CLDN12: variants seen among roughly 807,000 people sequenced by gnomAD.
The protein encoded by CLDN12 is claudin 12.
CLDN12 carries 9 observed loss-of-function variants against 15.5 expected under a neutral mutation model. The ratio of observed to expected loss-of-function variants is 0.58; its 90% confidence interval spans 0.35 to 1.02. The LOEUF (loss-of-function observed/expected upper bound fraction) is 1.02, where lower values mean the gene tolerates loss of function less well. Among genes scored for constraint, CLDN12 ranks in the 50% least tolerant of loss-of-function variants. The pLI is 0.02. For missense variants in CLDN12, 233 were observed against 297.3 expected, an observed-to-expected ratio of 0.78 and a Z score of 1.59; for synonymous variants, 140 against 121.6, an observed-to-expected ratio of 1.15 and a Z score of -1.00.
At position 90,413,979 on chromosome 7, in the gene CLDN12, T is replaced by C. The variant is rs1245839054; in HGVS notation, c.*568T>C. ...CTTTCTTCTACCTCATGCCACTGTT[T>C]AAAAGTAAAACGTATTTTAACGATG... On this transcript the variant is annotated 3_prime_UTR_variant, in exon 4 of 4. Coordinates refer to ENST00000496677, the MANE Select transcript of CLDN12 (RefSeq NM_001185072.3). 2 of 982,330 alleles carry C rather than the reference T, an allele frequency of 2.0e-6. No individual in the cohort carries two copies. Among genetic ancestry groups the C allele is most frequent in the Non-Finnish European group, 2.5e-6 (2 of 814,518 alleles). The allele number at this position is 982,330 out of a possible 1,614,324, so 60.9% of individuals were successfully genotyped here. A position where few individuals can be genotyped will look rare whatever the true frequency, so the allele number is the denominator to read the frequency against.
intron 2 of CLDN12, 52 bp from the exon 3 acceptor site, chr7:90,411,955 A>G (rs1796972451): frequency 6.6e-6 from 1 of 152,196 alleles, no homozygotes; most frequent in Non-Finnish European, 1.5e-5. Flanking sequence ...ATCTCATTGA[A>G]CCCATAGAAC....
rs1797062749 is a variant in CLDN12 at position 90,415,916 on chromosome 7, T to C, written c.*2505T>C. ...ATGTAAAACCTCAATAAAAGTGCGC[T>C]GTACTTCTTAATGTTTATTAAAAGA... On this transcript the variant is annotated 3_prime_UTR_variant, in exon 4 of 4. Transcript: ENST00000496677. The C allele has an allele frequency of 6.0e-6, 1 of 166,728 alleles. No individual in the cohort carries two copies. Among genetic ancestry groups the C allele is most frequent in the African/African-American group, 2.4e-5 (1 of 41,474 alleles). 10.3% of individuals were successfully genotyped at this position (166,728 alleles called of 1,614,324 possible).
chr7:90,411,986 G>A (rs550071913), intron 2 of CLDN12, 21 bp from the exon 3 acceptor site: 3 of 152,362 alleles, frequency 2.0e-5, no homozygotes, highest in East Asian at 3.9e-4. Context: ...GGTTGGCACT[G>A]TTATTTTTTC....
At position 90,409,810 on chromosome 7, in the gene CLDN12, C is replaced by T. The variant is rs552056593; in HGVS notation, c.-76-2197C>T. Among the ~76,000 whole-genome samples, 74 of 152,256 alleles carry T rather than the reference C, an allele frequency of 4.9e-4. 1 individual carries two copies. The South Asian group carries it at 0.014, about 29-fold the overall frequency. On this transcript the variant is annotated intron_variant, in intron 2 of 3. Coordinates refer to ENST00000496677, the MANE Select transcript of CLDN12 (RefSeq NM_001185072.3). ...ACACTTTGAGTTTACATAAGACAGCCGTTTCTTTCCACAAGTCTCTATAAA... is the reference window on the plus strand; with the variant it reads ...ACACTTTGAGTTTACATAAGACAGCTGTTTCTTTCCACAAGTCTCTATAAA...
At chr7:90,404,996 G>A (rs2115860959) in intron 1 of CLDN12, among the ~76,000 whole-genome samples, 1 of 151,844 alleles carries the variant, frequency 6.6e-6, no homozygotes, top group Admixed American at 6.6e-5. Context: ...GGGCTCAAGT[G>A]ATCCTTCCAT....
At position 90,412,907 on chromosome 7, in the gene CLDN12, A is replaced by G. The variant is rs200281270; in HGVS notation, c.231A>G (p.Ser77=). ...CLMYDTTWYS[S]VDQLDLRVLQ... ...TGTACGACACTACTTGGTACTCATC[A>G]GTTGACCAGCTGGACCTGCGTGTCC... is the stretch of plus-strand genomic sequence containing the variant. Residue 77 remains serine, a synonymous_variant, in exon 4 of 4, where the codon TCA becomes TCG. Coordinates refer to ENST00000496677, the MANE Select transcript of CLDN12 (RefSeq NM_001185072.3). The G allele has an allele frequency of 6.3e-5, 101 of 1,614,096 alleles. No individual in the cohort carries two copies. The highest frequency in any genetic ancestry group is 1.7e-4 in the Admixed American group (10 of 60,004).
rs1296423810 is a variant in CLDN12 at position 90,414,576 on chromosome 7, C to T, written c.*1165C>T. On this transcript the variant is annotated 3_prime_UTR_variant, in exon 4 of 4. Coordinates refer to ENST00000496677, the MANE Select transcript of CLDN12 (RefSeq NM_001185072.3). Reference sequence around the variant, plus strand: ...CTTCGTTGGCAGTTGGCCTTAACTTCTTAATCATTGATCCAGGAATATTTC... The same window carrying T: ...CTTCGTTGGCAGTTGGCCTTAACTTTTTAATCATTGATCCAGGAATATTTC... The T allele has an allele frequency of 5.2e-6, 1 of 191,824 alleles. No homozygotes were observed. The highest frequency in any genetic ancestry group is 2.4e-5 in the African/African-American group (1 of 41,902). The allele number at this position is 191,824 out of a possible 1,614,324, so 11.9% of individuals were successfully genotyped here.
Position 90,405,536 on chromosome 7 carries a change from T to G in CLDN12, c.-149T>G, listed in dbSNP as rs1796818109. On this transcript the variant is annotated 5_prime_UTR_variant, in exon 2 of 4. Coordinates refer to ENST00000496677, the MANE Select transcript of CLDN12 (RefSeq NM_001185072.3). ...TTCTTTAGGCTCAGATTATTGCTACTCTGTATTCAGATCTTCATGTGTCTC... is the reference window on the plus strand; with the variant it reads ...TTCTTTAGGCTCAGATTATTGCTACGCTGTATTCAGATCTTCATGTGTCTC... 6.6e-6 allele frequency: 1 copy of G among 152,256 alleles called. No homozygotes were observed. The highest frequency in any genetic ancestry group is 1.5e-5 in the Non-Finnish European group (1 of 68,050). The allele number at this position is 152,256 out of a possible 1,614,324, so 9.4% of individuals were successfully genotyped here.
chr7:90,404,063 G>A (rs1562967049), intron 1 of CLDN12, among the ~76,000 whole-genome samples: 1 of 151,758 alleles, frequency 6.6e-6, no homozygotes. Context: ...GGGGGATGCG[G>A]ATTGCTCTGG....
chr7:90,403,521 G>T lies in CLDN12; in HGVS notation c.-195G>T, dbSNP rs1195806368. On this transcript the variant is annotated 5_prime_UTR_variant, in exon 1 of 4. Transcript: ENST00000496677. Reference sequence around the variant, plus strand: ...CTCCAAGAGGCTCCTCAGTGTGGGCGAGTAAAATGCCCTGCGTGTGAGAAG... The same window carrying T: ...CTCCAAGAGGCTCCTCAGTGTGGGCTAGTAAAATGCCCTGCGTGTGAGAAG... 1 of 152,196 alleles carries T rather than the reference G, an allele frequency of 6.6e-6. No homozygotes were observed. The highest frequency in any genetic ancestry group is 1.5e-5 in the Non-Finnish European group (1 of 68,034). 9.4% of individuals were successfully genotyped at this position (152,196 alleles called of 1,614,324 possible). A position where few individuals can be genotyped will look rare whatever the true frequency, so the allele number is the denominator to read the frequency against.
chr7:90,410,226 G>A (rs780614684), intron 2 of CLDN12, among the ~76,000 whole-genome samples: 3 of 151,766 alleles, frequency 2.0e-5, no homozygotes, highest in Non-Finnish European at 4.4e-5. Flanking sequence ...GTACTGAGGT[G>A]TTTGGTTGCC....
In CLDN12 at chr7:90,413,419, A is replaced by G. The variant is rs374720515; in HGVS notation, c.*8A>G. ...GTTTCACACACCACTTAATGGGGAAATAGTTAATTGTTAAAGAAAACTTCT... is the reference window on the plus strand; with the variant it reads ...GTTTCACACACCACTTAATGGGGAAGTAGTTAATTGTTAAAGAAAACTTCT... On this transcript the variant is annotated 3_prime_UTR_variant, in exon 4 of 4. Transcript: ENST00000496677. The G allele has an allele frequency of 5.3e-5, 85 of 1,608,226 alleles. 2 individuals carry two copies. The South Asian group carries it at 9.2e-4, about 17-fold the overall frequency.
chr7:90,410,293 C>T (rs909089289), intron 2 of CLDN12, among the ~76,000 whole-genome samples: 1 of 152,084 alleles, frequency 6.6e-6, no homozygotes, highest in African/African-American at 2.4e-5. Context: ...TGTAATTAGT[C>T]TCTCCCTTTC....
Position 90,413,240 on chromosome 7 carries a change from T to C in CLDN12, c.564T>C (p.Thr188=). 6.2e-7 allele frequency: 1 copy of C among 1,614,192 alleles called. No homozygotes were observed. Among genetic ancestry groups the C allele is most frequent in the Admixed American group, 1.7e-5 (1 of 60,028 alleles). The part of the protein sequence containing the change: ...TIASAGGLFM[T]SLILFIWYCT... ...CTAGTGCTGGGGGCCTGTTTATGAC[T>C]TCCCTTATACTATTTATTTGGTATT... is the stretch of plus-strand genomic sequence containing the variant. Residue 188 remains threonine (T), a synonymous_variant, in exon 4 of 4, where the codon ACT becomes ACC. Coordinates refer to ENST00000496677, the MANE Select transcript of CLDN12 (RefSeq NM_001185072.3).
intron 3 of CLDN12, chr7:90,412,426 C>A (rs1454143866): frequency 2.3e-6 from 1 of 437,976 alleles, no homozygotes; most frequent in East Asian, 3.4e-5. Context: ...GCTCTATGAC[C>A]CAGTCAGTAA....
At chr7:90,409,096 T>C (rs944959564) in intron 2 of CLDN12, 2 of 152,220 alleles carry the variant, frequency 1.3e-5, no homozygotes, top group South Asian at 4.1e-4. Context: ...TACATCCTGA[T>C]CTTGTTTCTC....
rs762986952 is a variant in CLDN12 at position 90,413,125 on chromosome 7, C to T, written c.449C>T (p.Pro150Leu). 6.2e-7 allele frequency: 1 copy of T among 1,614,212 alleles called. No homozygotes were observed. Among genetic ancestry groups the T allele is most frequent in the South Asian group, 1.1e-5 (1 of 91,082 alleles). The change falls in exon 4 of 4, where the codon CCA becomes CTA. Residue 150 changes from proline to leucine, a missense_variant. Pro to Leu is a moderately conservative substitution (Grantham distance 98). Coordinates refer to ENST00000496677, the MANE Select transcript of CLDN12 (RefSeq NM_001185072.3). Reference sequence around the variant, plus strand: ...CTGGCAGGTACTGTGAGCCTCTCCCCATCTATCTGGGTCATCTTTTATAAC... The same window carrying T: ...CTGGCAGGTACTGTGAGCCTCTCCCTATCTATCTGGGTCATCTTTTATAAC... ...FFLAGTVSLS[P>L]SIWVIFYNIH...
In CLDN12 at chr7:90,405,613, G is replaced by A. The variant is rs1052929005; in HGVS notation, c.-77+5G>A. ...AACTGTCAGGTACCTCAAAGCGTAAGTACGTCCTTTAATTATATCTTATTT... is the reference window on the plus strand; with the variant it reads ...AACTGTCAGGTACCTCAAAGCGTAAATACGTCCTTTAATTATATCTTATTT... On this transcript the variant is annotated splice_donor_5th_base_variant and intron_variant, in intron 2 of 3. Transcript: ENST00000496677. 1 of 152,140 alleles carries A rather than the reference G, an allele frequency of 6.6e-6. No individual in the cohort carries two copies. The highest frequency in any genetic ancestry group is 6.6e-5 in the Admixed American group (1 of 15,260). The allele number at this position is 152,140 out of a possible 1,614,324, so 9.4% of individuals were successfully genotyped here. A position where few individuals can be genotyped will look rare whatever the true frequency, so the allele number is the denominator to read the frequency against.
chr7:90,409,979 A>G (rs1312893963), intron 2 of CLDN12, among the ~76,000 whole-genome samples: 2 of 152,200 alleles, frequency 1.3e-5, no homozygotes, highest in Non-Finnish European at 2.9e-5. Context: ...ACTTCCTTGT[A>G]CAGTTCTTCA....
Sources: gnomAD v4.1 joint callset for allele counts (sites outside exome capture counted in the v4.1 genomes callset) on GRCh38, gnomAD v4.1.1 for gene constraint, MANE v1.5 for transcripts, NCBI Gene and HGNC (gene_info 2026-07-23, HGNC 2026-07-21) for gene names.